Variants in SAMM50 observed in about 807,000 individuals in gnomAD.
SAMM50 encodes sorting and assembly machinery component 50 homolog.
SAMM50 carries 47 observed loss-of-function variants against 66.9 expected under a neutral mutation model. That is an observed-to-expected ratio of 0.70 (90% CI 0.56 to 0.90). SAMM50 has a LOEUF of 0.90. Ranked by LOEUF, SAMM50 falls within the 40% of genes least tolerant of loss-of-function variation. The probability of loss-of-function intolerance (pLI) is 0.00; values close to 1 mark genes in which losing one functional copy is unlikely to be tolerated. For missense variants in SAMM50, 535 were observed against 595.3 expected, an observed-to-expected ratio of 0.90 and a Z score of 1.05; for synonymous variants, 191 against 214.1, an observed-to-expected ratio of 0.89 and a Z score of 0.94.
intron 14 of SAMM50, among the ~76,000 whole-genome samples, chr22:43,994,992 G>A (rs997677524): frequency 6.6e-6 from 1 of 152,076 alleles, no homozygotes; most frequent in Non-Finnish European, 1.5e-5. Context: ...TCTAAGTAGC[G>A]AATGTAGGTA....
intron 4 of SAMM50, 67 bp downstream of exon 4, chr22:43,968,885 G>A: frequency 2.8e-6 from 3 of 1,077,780 alleles, no homozygotes; most frequent in Non-Finnish European, 4.3e-6. Flanking sequence ...TGTTTTTATG[G>A]CCAGATGCAG....
chr22:43,984,381 C>T (rs1476157451), intron 12 of SAMM50, among the ~76,000 whole-genome samples: 7 of 152,080 alleles, frequency 4.6e-5, no homozygotes, highest in Non-Finnish European at 1.0e-4. Flanking sequence ...GGCGCGATCT[C>T]GGCTCACCGC....
intron 12 of SAMM50, among the ~76,000 whole-genome samples, chr22:43,985,155 G>C (rs1603420025): frequency 6.6e-6 from 1 of 152,068 alleles, no homozygotes; most frequent in Non-Finnish European, 1.5e-5. Context: ...CTTATTATTA[G>C]CACCTTGTGT....
At chr22:43,988,929 A>C (rs569295784) in intron 12 of SAMM50, 182 bp from the exon 13 acceptor site, 1 of 513,194 alleles carries the variant, frequency 1.9e-6, no homozygotes, top group African/African-American at 1.9e-5. Context: ...CCAGGAGAAA[A>C]AGAAAGATTA....
intron 14 of SAMM50, 30 bp from the exon 15 acceptor site, chr22:43,996,308 C>G (rs372160365): frequency 6.7e-5 from 108 of 1,613,462 alleles, no homozygotes; most frequent in Non-Finnish European, 8.1e-5. Context: ...GCGGAGCGGC[C>G]GCCGCATCTG....
intron 13 of SAMM50, among the ~76,000 whole-genome samples, chr22:43,989,641 T>A (rs548117026): frequency 4.6e-5 from 7 of 152,308 alleles, no homozygotes; most frequent in Middle Eastern, 3.4e-3. Flanking sequence ...CCAGGCCATG[T>A]CTGTCTTTTT....
At chr22:43,984,752 C>T (rs2050283271) in intron 12 of SAMM50, among the ~76,000 whole-genome samples, 1 of 152,160 alleles carries the variant, frequency 6.6e-6, no homozygotes, top group Non-Finnish European at 1.5e-5. Context: ...CCTCAGCCCC[C>T]TGAGTAGCTG....
At chr22:43,993,550 A>G (rs1404876656) in intron 14 of SAMM50, among the ~76,000 whole-genome samples, 1 of 152,256 alleles carries the variant, frequency 6.6e-6, no homozygotes, top group Non-Finnish European at 1.5e-5. Context: ...AGCACGTGAC[A>G]TTTAAAGACC....
chr22:43,995,329 C>T (rs1035691687), intron 14 of SAMM50: 1 of 152,230 alleles, frequency 6.6e-6, no homozygotes, highest in Admixed American at 6.5e-5. Context: ...TGTGCATGTG[C>T]TCCAAATCCT....
Position 43,983,852 on chromosome 22 carries a change from A to G in SAMM50, c.1008-81A>G, listed in dbSNP as rs1603419914. On this transcript the variant is annotated intron_variant, in intron 11 of 14. Coordinates refer to ENST00000350028, the MANE Select transcript of SAMM50 (RefSeq NM_015380.5). This position sits in a 1 kb window ranked among gnomAD's most constrained non-coding sequence, Gnocchi z 4.2. ...ATCTAGTATCGAATGTGAGTCTGACATGTGTTTCCTACGCGTTCCGTGTGT... is the reference window on the plus strand; with the variant it reads ...ATCTAGTATCGAATGTGAGTCTGACGTGTGTTTCCTACGCGTTCCGTGTGT... The G allele has an allele frequency of 5.3e-6, 5 of 945,348 alleles. No homozygotes were observed. Among genetic ancestry groups the G allele is most frequent in the Non-Finnish European group, 8.2e-6 (5 of 612,798 alleles). 58.6% of individuals were successfully genotyped at this position (945,348 alleles called of 1,614,324 possible). A position where few individuals can be genotyped will look rare whatever the true frequency, so the allele number is the denominator to read the frequency against.
At chr22:43,990,890 G>T (rs1334448286) in intron 14 of SAMM50, among the ~76,000 whole-genome samples, 1 of 152,118 alleles carries the variant, frequency 6.6e-6, no homozygotes, top group Non-Finnish European at 1.5e-5. Flanking sequence ...ATTGAGGAAA[G>T]ATTCCCTAAA....
intron 7 of SAMM50, among the ~76,000 whole-genome samples, chr22:43,973,533 C>T (rs1157862753): frequency 6.6e-6 from 1 of 152,200 alleles, no homozygotes; most frequent in Non-Finnish European, 1.5e-5. Flanking sequence ...AGCTCCTTAA[C>T]CTGGTCCTGA....
chr22:43,968,226 C>CAAAA (rs66961907), intron 3 of SAMM50, among the ~76,000 whole-genome samples: 14 of 68,618 alleles, frequency 2.0e-4, no homozygotes, highest in East Asian at 4.3e-4. Context: ...AACTCTGTCT[C>CAAAA]AAAAAAAAAA....
At chr22:43,969,312 G>T (rs745402413) in intron 4 of SAMM50, among the ~76,000 whole-genome samples, 3 of 152,130 alleles carry the variant, frequency 2.0e-5, no homozygotes, top group African/African-American at 7.2e-5. Flanking sequence ...TTTAGTTTTT[G>T]CCCATTTTCT....
intron 2 of SAMM50, 27 bp from the exon 3 acceptor site, chr22:43,964,425 C>T (rs770302356): frequency 1.5e-6 from 2 of 1,297,164 alleles, no homozygotes; most frequent in Non-Finnish European, 2.2e-6. Flanking sequence ...CATGTCATCC[C>T]TAATACTGTC....
chr22:43,996,329 T>G lies in SAMM50; in HGVS notation c.1365-9T>G. 1 of 1,613,082 alleles carries G rather than the reference T, an allele frequency of 6.2e-7. No homozygotes were observed. On this transcript the variant is annotated splice_polypyrimidine_tract_variant and intron_variant, in intron 14 of 14. Transcript: ENST00000350028. ...CGGCCGCCGCATCTGATCTCTCCCCTTTTTTTAGGATATGTGATGGCGTCC... is the reference window on the plus strand; with the variant it reads ...CGGCCGCCGCATCTGATCTCTCCCCGTTTTTTAGGATATGTGATGGCGTCC...
At chr22:43,966,157 AC>A (rs1183633549) in intron 3 of SAMM50, among the ~76,000 whole-genome samples, 2 of 152,156 alleles carry the variant, frequency 1.3e-5, no homozygotes, top group Admixed American at 1.3e-4. Context: ...TTTATTATAA[AC>A]AGTTCTCCAT....
chr22:43,963,788 A>G (rs908171739), intron 2 of SAMM50, among the ~76,000 whole-genome samples: 5 of 152,204 alleles, frequency 3.3e-5, no homozygotes. Context: ...CCAGTTCTTG[A>G]AGAGTTTACT....
At chr22:43,960,808 A>G (rs1256415041) in intron 1 of SAMM50, among the ~76,000 whole-genome samples, 2 of 152,258 alleles carry the variant, frequency 1.3e-5, no homozygotes, top group Non-Finnish European at 1.5e-5. Context: ...TGAGAGAGGA[A>G]CCGATTCTCC....
Sources: allele counts gnomAD v4.1 joint callset (sites outside exome capture counted in the v4.1 genomes callset), GRCh38; gene constraint gnomAD v4.1.1; non-coding constraint Gnocchi (gnomAD v3.1); transcripts MANE v1.5; gene names NCBI Gene and HGNC (gene_info 2026-07-23, HGNC 2026-07-21).